Variants in DNAI7 observed in about 807,000 individuals in gnomAD.
DNAI7 encodes the protein dynein axonemal intermediate chain 7, also known as cancer susceptibility 1.
A neutral mutation model predicts 86.6 loss-of-function variants in DNAI7; 78 were observed. The observed-to-expected ratio is 0.90, with a 90% CI of 0.75 to 1.09. The LOEUF (loss-of-function observed/expected upper bound fraction) is 1.09, where lower values mean the gene tolerates loss of function less well. Ranked by LOEUF, DNAI7 falls within the 50% of genes least tolerant of loss-of-function variation. The probability of loss-of-function intolerance (pLI) is 0.00; values close to 1 mark genes in which losing one functional copy is unlikely to be tolerated. For missense variants in DNAI7, 753 were observed against 810.2 expected (o/e 0.93, Z 0.86); for synonymous variants, 274 against 273.0 (o/e 1.00, Z -0.04).
At chr12:25,193,829 CTTTT>C (rs79253236) in intron 1 of DNAI7, among the ~76,000 whole-genome samples, 2 of 151,016 alleles carry the variant, frequency 1.3e-5, no homozygotes, top group East Asian at 3.9e-4. Context: ...CTTTTTTTCT[CTTTT>C]TTTTTTGAGA....
At chr12:25,156,552 C>T (rs1165408542) in intron 4 of DNAI7, among the ~76,000 whole-genome samples, 2 of 151,854 alleles carry the variant, frequency 1.3e-5, no homozygotes, top group African/African-American at 2.4e-5. Context: ...CAGGAGAGTT[C>T]GAGATCAGCC....
At chr12:25,182,690 T>C (rs1007378671) in intron 2 of DNAI7, among the ~76,000 whole-genome samples, 3 of 151,186 alleles carry the variant, frequency 2.0e-5, no homozygotes, top group African/African-American at 7.3e-5. Context: ...TCGGAGGCCC[T>C]GGTAAGAGGA....
At chr12:25,163,577 T>C (rs1001532101) in intron 2 of DNAI7, among the ~76,000 whole-genome samples, 10 of 152,186 alleles carry the variant, frequency 6.6e-5, no homozygotes, top group Non-Finnish European at 1.5e-4. Context: ...AGAGCTTTAT[T>C]GCTCACACAA....
chr12:25,137,231 G>GA (rs142389082), intron 9 of DNAI7, among the ~76,000 whole-genome samples: 6,793 of 152,220 alleles, frequency 0.045, 257 homozygotes, highest in Middle Eastern at 0.079. Flanking sequence ...CCTATCTTTA[G>GA]CCTCCTTAAA....
intron 9 of DNAI7, among the ~76,000 whole-genome samples, chr12:25,130,536 C>CAAAATAAAAT (rs10557708): frequency 6.3e-4 from 93 of 146,608 alleles, no homozygotes; most frequent in African/African-American, 1.0e-3. Flanking sequence ...GACTCCCTCT[C>CAAAATAAAAT]AAAATAAAAT....
At chr12:25,187,981 C>T (rs1364040634) in intron 2 of DNAI7, among the ~76,000 whole-genome samples, 1 of 152,126 alleles carries the variant, frequency 6.6e-6, no homozygotes, top group African/African-American at 2.4e-5. Flanking sequence ...ATTTAAACCA[C>T]AAGCCGGTTC....
chr12:25,187,596 A>G (rs1950146864), intron 2 of DNAI7, among the ~76,000 whole-genome samples: 2 of 152,318 alleles, frequency 1.3e-5, no homozygotes, highest in East Asian at 1.9e-4. Flanking sequence ...AAGAACTTAT[A>G]TATAAGGATC....
chr12:25,148,125 G>A (rs1206243481), intron 7 of DNAI7, among the ~76,000 whole-genome samples: 4 of 151,990 alleles, frequency 2.6e-5, no homozygotes, highest in Admixed American at 2.0e-4. Context: ...TTTATTTTCT[G>A]AAACTAACTT....
chr12:25,107,933 TCACAGGC>T (rs1440992576), downstream of DNAI7: 4 of 1,614,212 alleles, frequency 2.5e-6, no homozygotes, highest in Non-Finnish European at 3.4e-6. Context: ...ATGAGCTTCC[TCACAGGC>T]CAATTATTCC....
intron 2 of DNAI7, among the ~76,000 whole-genome samples, chr12:25,185,064 G>T (rs1001454188): frequency 6.6e-6 from 1 of 152,078 alleles, no homozygotes. Flanking sequence ...CTTGAGCCTG[G>T]GAGGTTGAGG....
rs1555156527 is a variant in DNAI7, at chr12:25,120,317, G to GGAGAGGGAGAGAGAGA, written c.1240-1017_1240-1016insTCTCTCTCTCCCTCTC. 2.5e-5 allele frequency among the ~76,000 whole-genome samples: 2 copies of GGAGAGGGAGAGAGAGA among 80,812 alleles called. 1 individual carries two copies. The highest frequency in any genetic ancestry group is 3.2e-4 in the Admixed American group (2 of 6,254). The allele number at this position is 80,812 out of a possible 152,430, so 53.0% of individuals were successfully genotyped here. A position where few individuals can be genotyped will look rare whatever the true frequency, so the allele number is the denominator to read the frequency against. ...AGAAGAGAGAGAGAGGCAGGAAGAG[G>GGAGAGGGAGAGAGAGA]GAGAGAGAGAGAGAGAGAGAGAGAG... On this transcript the variant is annotated intron_variant, in intron 11 of 15. Transcript: ENST00000395987.
In DNAI7 at chr12:25,119,822, T is replaced by C. The variant is rs541357511; in HGVS notation, c.1240-521A>G. The stretch of plus-strand genomic sequence containing the variant: ...CAGATTTTTCTGGGATAAGGAAGAT[T>C]TGTGCATTATCTGAATGCAGCAGAC... On this transcript the variant is annotated intron_variant, in intron 11 of 15. Transcript: ENST00000395987. 7.9e-5 allele frequency among the ~76,000 whole-genome samples: 12 copies of C among 152,292 alleles called. No homozygotes were observed. In the South Asian group the frequency reaches 1.9e-3, roughly 24 times the overall value.
rs528995525 is a variant in DNAI7, at chr12:25,173,573, T to C, written c.22-12376A>G. On this transcript the variant is annotated intron_variant, in intron 2 of 15. Transcript: ENST00000395987. ...CCTTAAATAAATAAAAGTAGAACTA[T>C]CATTTGATCCAGCAATCCCACTACT... Among the ~76,000 whole-genome samples, 5 of 152,102 alleles carry C rather than the reference T, an allele frequency of 3.3e-5. No homozygotes were observed. In the East Asian group the frequency reaches 9.6e-4, roughly 29 times the overall value.
At chr12:25,117,336 A>C (rs569418708) in intron 12 of DNAI7, among the ~76,000 whole-genome samples, 4 of 152,386 alleles carry the variant, frequency 2.6e-5, no homozygotes, top group Non-Finnish European at 4.4e-5. Context: ...TCATTAAAAA[A>C]TTTAAAATAC....
chr12:25,115,371 T>G (rs897981790), intron 12 of DNAI7, among the ~76,000 whole-genome samples: 2 of 152,204 alleles, frequency 1.3e-5, no homozygotes, highest in African/African-American at 2.4e-5. Context: ...AACATTTTTA[T>G]CCCCTCAGTA....
intron 9 of DNAI7, among the ~76,000 whole-genome samples, chr12:25,137,690 GT>G (rs1410962652): frequency 6.4e-4 from 98 of 152,112 alleles, no homozygotes; most frequent in African/African-American, 2.2e-3. Flanking sequence ...AAGTAAAGAG[GT>G]GGAAAAAGAC....
chr12:25,180,498 A>G (rs1368842076), intron 2 of DNAI7, among the ~76,000 whole-genome samples: 1 of 152,224 alleles, frequency 6.6e-6, no homozygotes, highest in Non-Finnish European at 1.5e-5. Context: ...CTAAGCAAAA[A>G]GAAGAAAGCT....
At chr12:25,138,123 A>C (rs1456968929) in intron 9 of DNAI7, among the ~76,000 whole-genome samples, 1 of 152,230 alleles carries the variant, frequency 6.6e-6, no homozygotes, top group African/African-American at 2.4e-5. Flanking sequence ...AAGGAACATT[A>C]TCCAAGATAT....
At chr12:25,128,391 A>G (rs1467612510) in intron 9 of DNAI7, among the ~76,000 whole-genome samples, 1 of 152,220 alleles carries the variant, frequency 6.6e-6, no homozygotes, top group African/African-American at 2.4e-5. Flanking sequence ...GTGGCTTTAA[A>G]TACTATCTAT....
Sources: gnomAD v4.1 joint callset for allele counts (sites outside exome capture counted in the v4.1 genomes callset) on GRCh38, gnomAD v4.1.1 for gene constraint, MANE v1.5 for transcripts, NCBI Gene and HGNC (gene_info 2026-07-23, HGNC 2026-07-21) for gene names.